The following MGMT variants were observed in gnomAD, a reference collection of about 807,000 sequenced individuals.
MGMT encodes O-6-methylguanine-DNA methyltransferase, also known as methylated-DNA--protein-cysteine methyltransferase.
Under a neutral mutation model 15.9 loss-of-function variants are expected in MGMT, and 14 were observed. The ratio of observed to expected loss-of-function variants is 0.88; its 90% CI spans 0.58 to 1.37. The LOEUF (loss-of-function observed/expected upper bound fraction) is 1.37, where lower values mean the gene tolerates loss of function less well. Among genes scored for constraint, MGMT ranks in the 40% most tolerant of loss-of-function variants. The pLI is 0.00. For synonymous variants in MGMT, 130 were observed against 118.2 expected (o/e 1.10, Z -0.65); for missense variants, 282 against 268.1 (o/e 1.05, Z -0.36).
chr10:129,533,080 C>A lies in MGMT; in HGVS notation c.-12-3161C>A, dbSNP rs1034965164. ...AGCCGAGAATCAACGGTGGCCATAG[C>A]CACCACATCCTGTTTCCAGGGGCAA... On this transcript the variant is annotated intron_variant, in intron 1 of 4. Coordinates refer to ENST00000651593, the MANE Select transcript of MGMT (RefSeq NM_002412.5). This position sits in a 1 kb window ranked among gnomAD's most constrained non-coding sequence, Gnocchi z 4.5. 1.3e-5 allele frequency among the ~76,000 whole-genome samples: 2 copies of A among 152,250 alleles called. No homozygotes were observed. Among genetic ancestry groups the A allele is most frequent in the African/African-American group, 4.8e-5 (2 of 41,478 alleles).
intron 3 of MGMT, among the ~76,000 whole-genome samples, chr10:129,737,866 G>T (rs4500403): frequency 6.6e-6 from 1 of 151,968 alleles, no homozygotes; most frequent in Non-Finnish European, 1.5e-5. Flanking sequence ...TAGGCTGCTT[G>T]AGGGTCAGGG....
intron 3 of MGMT, among the ~76,000 whole-genome samples, chr10:129,723,694 A>G (rs769001647): frequency 1.8e-4 from 28 of 152,250 alleles, no homozygotes; most frequent in Non-Finnish European, 2.8e-4. Context: ...AAAAGGACCA[A>G]CAACCCAGTA....
At chr10:129,671,895 T>C (rs563403899) in intron 2 of MGMT, among the ~76,000 whole-genome samples, 74 of 152,338 alleles carry the variant, frequency 4.9e-4, no homozygotes, top group South Asian at 1.4e-3. Context: ...TTGGCAAATA[T>C]CAACAAAGTC....
At chr10:129,739,591 C>T (rs1292744933) in intron 3 of MGMT, among the ~76,000 whole-genome samples, 1 of 152,124 alleles carries the variant, frequency 6.6e-6, no homozygotes, top group East Asian at 1.9e-4. Context: ...GTCAGAGCCC[C>T]TACGCCCTGG....
intron 1 of MGMT, among the ~76,000 whole-genome samples, chr10:129,497,889 G>A (rs1327101473): frequency 6.6e-6 from 1 of 152,188 alleles, no homozygotes; most frequent in African/African-American, 2.4e-5. Context: ...ATCAGACACG[G>A]GCTCTGGCGG....
At chr10:129,649,019 C>T (rs1414020547) in intron 2 of MGMT, among the ~76,000 whole-genome samples, 1 of 152,220 alleles carries the variant, frequency 6.6e-6, no homozygotes, top group Non-Finnish European at 1.5e-5. Flanking sequence ...ATCCTGATGG[C>T]TCTCCTCTGC....
intron 1 of MGMT, among the ~76,000 whole-genome samples, chr10:129,495,073 T>C (rs1845507158): frequency 6.6e-6 from 1 of 152,258 alleles, no homozygotes; most frequent in Non-Finnish European, 1.5e-5. Flanking sequence ...ACCGACCCCA[T>C]GCACACATTC....
chr10:129,630,639 G>A (rs368548609), intron 2 of MGMT, among the ~76,000 whole-genome samples: 2 of 152,262 alleles, frequency 1.3e-5, no homozygotes, highest in African/African-American at 2.4e-5. Context: ...GAGATGCTTC[G>A]AACTGATAGA....
At chr10:129,707,582 G>C (rs1344908090) in intron 2 of MGMT, among the ~76,000 whole-genome samples, 1 of 152,206 alleles carries the variant, frequency 6.6e-6, no homozygotes, top group Non-Finnish European at 1.5e-5. Flanking sequence ...TCAATAGTGA[G>C]TGCTTGATGA....
At chr10:129,590,031 G>A (rs746446525) in intron 2 of MGMT, among the ~76,000 whole-genome samples, 3 of 152,196 alleles carry the variant, frequency 2.0e-5, no homozygotes, top group Admixed American at 6.5e-5. Flanking sequence ...GTTGAATGGA[G>A]TGCGGATCAT....
At chr10:129,543,061 T>G (rs1270746473) in intron 2 of MGMT, among the ~76,000 whole-genome samples, 2 of 152,134 alleles carry the variant, frequency 1.3e-5, no homozygotes, top group Non-Finnish European at 2.9e-5. Context: ...CCAAGGTGTT[T>G]CTTTTCAGCT....
chr10:129,673,585 G>A (rs1472886354), intron 2 of MGMT, among the ~76,000 whole-genome samples: 1 of 152,056 alleles, frequency 6.6e-6, no homozygotes, highest in East Asian at 1.9e-4. Flanking sequence ...CTGGAGGCTG[G>A]GGGAGGTGAG....
chr10:129,661,624 A>T (rs1337702004), intron 2 of MGMT, among the ~76,000 whole-genome samples: 1 of 152,152 alleles, frequency 6.6e-6, no homozygotes, highest in Non-Finnish European at 1.5e-5. Context: ...CCTTTGTCTA[A>T]CAAGTTATAC....
chr10:129,511,180 C>T (rs7922772), intron 1 of MGMT, among the ~76,000 whole-genome samples: 21,571 of 146,218 alleles, frequency 0.15, 1,645 homozygotes, highest in African/African-American at 0.19. Context: ...GATGCAGGCA[C>T]GTGCTTCATG....
rs557371716 is a variant in MGMT, at chr10:129,624,863, G to A, written c.126-83032G>A. On this transcript the variant is annotated intron_variant, in intron 2 of 4. Coordinates refer to ENST00000651593, the MANE Select transcript of MGMT (RefSeq NM_002412.5). ...TGCAGGGCAGGCACCCACATGAAGCGGCTATGTAAACGTGACAAAGTAGAT... is the reference window on the plus strand; with the variant it reads ...TGCAGGGCAGGCACCCACATGAAGCAGCTATGTAAACGTGACAAAGTAGAT... Among the ~76,000 whole-genome samples, 24 of 152,230 alleles carry A rather than the reference G, an allele frequency of 1.6e-4. No homozygotes were observed. In the South Asian group the frequency reaches 3.9e-3, roughly 25 times the overall value.
At chr10:129,700,433 T>C (rs1392242375) in intron 2 of MGMT, 1 of 152,192 alleles carries the variant, frequency 6.6e-6, no homozygotes, top group Non-Finnish European at 1.5e-5. Context: ...GTCACTGCCA[T>C]GTTCCTTCGC....
chr10:129,754,732 A>G (rs750768068), intron 3 of MGMT, among the ~76,000 whole-genome samples: 7 of 152,238 alleles, frequency 4.6e-5, no homozygotes, highest in East Asian at 3.8e-4. Context: ...GCGAGGAAGC[A>G]TGCCAGACAG....
rs536694123 is a variant in MGMT at position 129,523,998 on chromosome 10, T to G, written c.-12-12243T>G. Among the ~76,000 whole-genome samples, 4 of 152,310 alleles carry G rather than the reference T, an allele frequency of 2.6e-5. No homozygotes were observed. The South Asian group carries it at 8.3e-4, about 32-fold the overall frequency. On this transcript the variant is annotated intron_variant, in intron 1 of 4. Transcript: ENST00000651593. ...CCTTGGAGGTAGCAGAAGCATCTCTTGATGGCAAGTGTCCATTGTGACCTG... is the reference window on the plus strand; with the variant it reads ...CCTTGGAGGTAGCAGAAGCATCTCTGGATGGCAAGTGTCCATTGTGACCTG...
chr10:129,487,996 CAT>C (rs1491580660), intron 1 of MGMT, among the ~76,000 whole-genome samples: 3 of 114,702 alleles, frequency 2.6e-5, no homozygotes, highest in Non-Finnish European at 5.3e-5. Context: ...CACACACACA[CAT>C]AGGTATACAC....
Sources: allele counts gnomAD v4.1 joint callset (sites outside exome capture counted in the v4.1 genomes callset), GRCh38; gene constraint gnomAD v4.1.1; non-coding constraint Gnocchi (gnomAD v3.1); transcripts MANE v1.5; gene names NCBI Gene and HGNC (gene_info 2026-07-23, HGNC 2026-07-21).